Variants in MARK1 observed in about 807,000 individuals in gnomAD.
MARK1 encodes the protein serine/threonine-protein kinase MARK1.
MARK1 carries 40 observed loss-of-function variants against 96.3 expected under a neutral mutation model. The ratio of observed to expected loss-of-function variants is 0.42; its 90% CI spans 0.32 to 0.54. The LOEUF is 0.54. Ranked by LOEUF, MARK1 falls within the 20% of genes least tolerant of loss-of-function variation. MARK1 has a pLI of 0.16. For synonymous variants in MARK1, 317 were observed against 341.2 expected, an observed-to-expected ratio of 0.93 and a Z score of 0.78; for missense variants, 719 against 984.6, an observed-to-expected ratio of 0.73 and a Z score of 3.61.
At chr1:220,578,023 G>T (rs569175602) in intron 1 of MARK1, among the ~76,000 whole-genome samples, 33 of 152,308 alleles carry the variant, frequency 2.2e-4, no homozygotes, top group Middle Eastern at 3.4e-3. Flanking sequence ...CATGCTTTGC[G>T]TGAGATTGGT....
chr1:220,635,440 T>TA lies in MARK1; in HGVS notation c.1190dup (p.Asn397LysfsTer28). The TA allele has an allele frequency of 6.2e-7, 1 of 1,613,682 alleles. No homozygotes were observed. On this transcript the variant is annotated frameshift_variant, in exon 12 of 18. Transcript: ENST00000366917. LOFTEE classifies it high-confidence loss of function. The stretch of plus-strand genomic sequence containing the variant: ...CAGAGGTCCCGGCCCAGTAGTGACT[T>TA]AAACAACAGCACTCTTCAGTCCCCT...
intron 1 of MARK1, among the ~76,000 whole-genome samples, chr1:220,549,378 T>C (rs1353842900): frequency 6.6e-6 from 1 of 152,244 alleles, no homozygotes; most frequent in East Asian, 1.9e-4. Context: ...TGCTAGCTGC[T>C]GATGCTGCTG....
chr1:220,620,652 A>G (rs539036433), intron 9 of MARK1, among the ~76,000 whole-genome samples: 13 of 152,278 alleles, frequency 8.5e-5, no homozygotes, highest in African/African-American at 3.1e-4. Flanking sequence ...TGAGGATTAA[A>G]ATATTAGAGT....
chr1:220,618,191 A>G lies in MARK1; in HGVS notation c.553-119A>G. 1 of 664,474 alleles carries G rather than the reference A, an allele frequency of 1.5e-6. No individual in the cohort carries two copies. The highest frequency in any genetic ancestry group is 2.7e-5 in the East Asian group (1 of 37,368). The allele number at this position is 664,474 out of a possible 1,614,324, so 41.2% of individuals were successfully genotyped here. A position where few individuals can be genotyped will look rare whatever the true frequency, so the allele number is the denominator to read the frequency against. On this transcript the variant is annotated intron_variant, in intron 7 of 17. Coordinates refer to ENST00000366917, the MANE Select transcript of MARK1 (RefSeq NM_018650.5). The surrounding 1 kb of genome is among the most constrained non-coding windows in gnomAD (Gnocchi z 4.6). ...GTACCATACTGGGCTTCTAAATTTGATACTACATTTAGAAATGAGGGGCAA... is the reference window on the plus strand; with the variant it reads ...GTACCATACTGGGCTTCTAAATTTGGTACTACATTTAGAAATGAGGGGCAA...
At chr1:220,640,998 T>C (rs1369120190) in intron 13 of MARK1, among the ~76,000 whole-genome samples, 1 of 152,198 alleles carries the variant, frequency 6.6e-6, no homozygotes, top group Non-Finnish European at 1.5e-5. Context: ...ATATTTTCCT[T>C]CTAGAAATTC....
intron 13 of MARK1, among the ~76,000 whole-genome samples, chr1:220,639,841 T>C (rs1668171622): frequency 6.6e-6 from 1 of 152,198 alleles, no homozygotes; most frequent in Non-Finnish European, 1.5e-5. Flanking sequence ...TAGAGAGTAG[T>C]TATTTCTCCA....
rs368489237 is a variant in MARK1 at position 220,539,774 on chromosome 1, G to T, written c.51+10901G>T. Among the ~76,000 whole-genome samples, 450 of 146,448 alleles carry T rather than the reference G, an allele frequency of 3.1e-3. 5 individuals carry two copies. The highest frequency in any genetic ancestry group is 0.011 in the African/African-American group (426 of 40,096). ...TGTGCCGTTGAAATTGAATTGCTAG[G>T]TTTTTTTTTTTCCTGAGAATTTTTA... On this transcript the variant is annotated intron_variant, in intron 1 of 17. Transcript: ENST00000366917.
rs1430731961 is a variant in MARK1 at position 220,635,451 on chromosome 1, A to C, written c.1198A>C (p.Thr400Pro). 6.2e-7 allele frequency: 1 copy of C among 1,612,904 alleles called. No homozygotes were observed. Among genetic ancestry groups the C allele is most frequent in the Admixed American group, 1.7e-5 (1 of 59,754 alleles). Residue 400 changes from threonine to proline, a missense_variant, in exon 12 of 18, where the codon ACT (threonine) becomes CCT (proline). By Grantham distance (38) the Thr-to-Pro change is conservative. Coordinates refer to ENST00000366917, the MANE Select transcript of MARK1 (RefSeq NM_018650.5). Reference protein sequence around the residue: ...SRPSSDLNNSTLQSPAHLKVQ... With the variant: ...SRPSSDLNNSPLQSPAHLKVQ... ...GCCCAGTAGTGACTTAAACAACAGC[A>C]CTCTTCAGTCCCCTGCTCACCTGAA...
At chr1:220,626,947 T>C (rs569059910) in intron 9 of MARK1, 3 of 505,588 alleles carry the variant, frequency 5.9e-6, no homozygotes, top group Admixed American at 2.3e-5. Context: ...GCTGGACATA[T>C]GAGACAGGTG....
intron 1 of MARK1, among the ~76,000 whole-genome samples, chr1:220,542,907 T>C (rs906797270): frequency 5.9e-5 from 9 of 152,342 alleles, no homozygotes; most frequent in African/African-American, 2.2e-4. Context: ...TCCATACTTA[T>C]GTTCCATACT....
At chr1:220,582,470 G>A (rs996703946) in intron 3 of MARK1, among the ~76,000 whole-genome samples, 2 of 152,154 alleles carry the variant, frequency 1.3e-5, no homozygotes, top group Non-Finnish European at 2.9e-5. Flanking sequence ...CCCCTGTGCT[G>A]GGAACCCACT....
At chr1:220,606,080 G>A (rs1326012077) in intron 6 of MARK1, among the ~76,000 whole-genome samples, 2 of 152,170 alleles carry the variant, frequency 1.3e-5, no homozygotes, top group East Asian at 1.9e-4. Context: ...GATCCTTGAG[G>A]AATTGCCACA....
chr1:220,553,388 A>G (rs1662012144), intron 1 of MARK1, among the ~76,000 whole-genome samples: 1 of 152,188 alleles, frequency 6.6e-6, no homozygotes, highest in African/African-American at 2.4e-5. Flanking sequence ...GTGCAGAAAC[A>G]ACTGTAAATA....
At chr1:220,604,243 A>C (rs1665931192) in intron 6 of MARK1, 106 bp downstream of exon 6, 1 of 567,172 alleles carries the variant, frequency 1.8e-6, no homozygotes, top group African/African-American at 1.9e-5. Context: ...AAAAAGAAGA[A>C]TTCCTGCTTT....
At chr1:220,597,535 T>C (rs1665457368) in intron 3 of MARK1, among the ~76,000 whole-genome samples, 1 of 152,222 alleles carries the variant, frequency 6.6e-6, no homozygotes, top group South Asian at 2.1e-4. Flanking sequence ...GTATCTTTGC[T>C]GCAGAAATGT....
At chr1:220,659,439 G>A (rs555846687) in intron 17 of MARK1, among the ~76,000 whole-genome samples, 1 of 152,264 alleles carries the variant, frequency 6.6e-6, no homozygotes, top group East Asian at 1.9e-4. Flanking sequence ...CTTACTGTGT[G>A]GCTTTGGGGA....
intron 1 of MARK1, among the ~76,000 whole-genome samples, chr1:220,558,585 G>A (rs1436684132): frequency 6.6e-6 from 1 of 151,666 alleles, no homozygotes; most frequent in African/African-American, 2.4e-5. Flanking sequence ...ATAAGATAAA[G>A]AGCATTATTA....
chr1:220,633,742 A>G (rs1336694955), intron 11 of MARK1, among the ~76,000 whole-genome samples: 13 of 152,176 alleles, frequency 8.5e-5, no homozygotes, highest in Admixed American at 8.5e-4. Context: ...AATAAGAGAT[A>G]AGAGCCCATG....
Position 220,579,357 on chromosome 1 carries a change from A to G in MARK1, c.55A>G (p.Thr19Ala). Residue 19 changes from threonine (T) to alanine (A), a missense_variant, in exon 2 of 18, where the codon ACA becomes GCA. Physicochemically the swap from Thr to Ala is moderately conservative, Grantham distance 58. Coordinates refer to ENST00000366917, the MANE Select transcript of MARK1 (RefSeq NM_018650.5). ...AATCTTGTAAACTTTTTCTTAGCAT[A>G]CATCTGTGGATGGATATACTGAACC... is the stretch of plus-strand genomic sequence containing the variant. ...TVNERDTENH[T>A]SVDGYTEPHI... 1.2e-6 allele frequency: 2 copies of G among 1,611,514 alleles called. No individual in the cohort carries two copies. The highest frequency in any genetic ancestry group is 1.7e-6 in the Non-Finnish European group (2 of 1,177,692).
Sources: allele counts gnomAD v4.1 joint callset (sites outside exome capture counted in the v4.1 genomes callset), GRCh38; gene constraint gnomAD v4.1.1; non-coding constraint Gnocchi (gnomAD v3.1); transcripts MANE v1.5; gene names NCBI Gene and HGNC (gene_info 2026-07-23, HGNC 2026-07-21).